RANBP2: variants seen among roughly 807,000 people sequenced by gnomAD.
The protein encoded by RANBP2 is E3 SUMO-protein ligase RanBP2.
RANBP2 carries 57 observed loss-of-function variants against 303.6 expected under a neutral mutation model. The ratio of observed to expected loss-of-function variants is 0.19; its 90% CI spans 0.15 to 0.23. The LOEUF (loss-of-function observed/expected upper bound fraction) is 0.23, where lower values mean the gene tolerates loss of function less well. RANBP2 is among the 10% of genes least tolerant of loss of function. The pLI is 1.00. For missense variants in RANBP2, 3,138 were observed against 3,780.8 expected (o/e 0.83, Z 4.46); for synonymous variants, 1,167 against 1,301.5 (o/e 0.90, Z 2.23).
At chr2:109,049,943 T>C in the RANBP2 span, among the ~76,000 whole-genome samples, 4 of 152,208 alleles carry the variant, frequency 2.6e-5, no homozygotes, top group Non-Finnish European at 5.9e-5. Flanking sequence ...TCCTCTGGGT[T>C]CTGTCAGCTG....
At chr2:109,629,905 A>G in the RANBP2 span, among the ~76,000 whole-genome samples, 1 of 152,170 alleles carries the variant, frequency 6.6e-6, no homozygotes. Context: ...GCAATTCTAG[A>G]GCTCATACTG....
At chr2:109,567,917 C>T in the RANBP2 span, 42 of 1,613,990 alleles carry the variant, frequency 2.6e-5, 2 homozygotes, top group African/African-American at 2.9e-4. Flanking sequence ...TGATCTTAAA[C>T]TTCTGTAATT....
At chr2:109,238,748 A>C in the RANBP2 span, among the ~76,000 whole-genome samples, 3 of 152,142 alleles carry the variant, frequency 2.0e-5, no homozygotes, top group African/African-American at 7.2e-5. Flanking sequence ...GGCAGCTGCT[A>C]CATGCTTGCA....
the RANBP2 span, among the ~76,000 whole-genome samples, chr2:109,046,800 T>G: frequency 6.6e-6 from 1 of 152,034 alleles, no homozygotes; most frequent in African/African-American, 2.4e-5. Context: ...TCCTGTGGTG[T>G]TATGTCTGGA....
chr2:109,724,777 C>A, the RANBP2 span, among the ~76,000 whole-genome samples: 2 of 152,166 alleles, frequency 1.3e-5, no homozygotes, highest in African/African-American at 4.8e-5. Flanking sequence ...GAAGTCAGGA[C>A]TTTGTGGCAG....
the RANBP2 span, among the ~76,000 whole-genome samples, chr2:109,068,886 T>G: frequency 1.3e-5 from 2 of 152,204 alleles, no homozygotes; most frequent in Non-Finnish European, 2.9e-5. Flanking sequence ...CATTATGTGG[T>G]CCCTCCTGCA....
chr2:108,891,884 T>A, the RANBP2 span, among the ~76,000 whole-genome samples: 2 of 152,246 alleles, frequency 1.3e-5, no homozygotes, highest in South Asian at 4.2e-4. Flanking sequence ...TGATGGTGGC[T>A]GGGAGTTTAG....
the RANBP2 span, among the ~76,000 whole-genome samples, chr2:109,106,772 G>C: frequency 6.6e-6 from 1 of 152,026 alleles, no homozygotes; most frequent in Non-Finnish European, 1.5e-5. Context: ...GGGAGGCAGA[G>C]CTTGCAGTGA....
the RANBP2 span, among the ~76,000 whole-genome samples, chr2:108,841,791 G>T: frequency 6.6e-6 from 1 of 151,696 alleles, no homozygotes; most frequent in Non-Finnish European, 1.5e-5. Flanking sequence ...CTACTGGGTG[G>T]TTCTTTTTGT....
chr2:108,854,072 TATA>T, the RANBP2 span, among the ~76,000 whole-genome samples: 8 of 125,424 alleles, frequency 6.4e-5, no homozygotes, highest in East Asian at 6.6e-4. Context: ...ATATTTTATA[TATA>T]ATATAATAAA....
the RANBP2 span, chr2:109,737,241 A>C: frequency 1.2e-6 from 1 of 807,064 alleles, no homozygotes; most frequent in Non-Finnish European, 2.1e-6. Flanking sequence ...CACGAAGATT[A>C]TTCTTCTTCA....
At chr2:109,493,809 C>T in the RANBP2 span, among the ~76,000 whole-genome samples, 1 of 152,122 alleles carries the variant, frequency 6.6e-6, no homozygotes, top group African/African-American at 2.4e-5. Flanking sequence ...CACACAGATA[C>T]ACACACTATA....
intron 17 of RANBP2, among the ~76,000 whole-genome samples, chr2:108,756,030 C>T (rs1036937450): frequency 3.3e-5 from 5 of 152,070 alleles, no homozygotes; most frequent in African/African-American, 7.2e-5. Flanking sequence ...AGCCCTTTAC[C>T]GTATTTTTGA....
At chr2:109,669,055 A>G in the RANBP2 span, among the ~76,000 whole-genome samples, 2 of 152,230 alleles carry the variant, frequency 1.3e-5, no homozygotes, top group African/African-American at 2.4e-5. Flanking sequence ...CCAGATATAC[A>G]TGCACAGATT....
At chr2:109,174,139 G>A in the RANBP2 span, among the ~76,000 whole-genome samples, 9 of 152,264 alleles carry the variant, frequency 5.9e-5, no homozygotes, top group Non-Finnish European at 2.9e-5. Flanking sequence ...ATAGGGCAGA[G>A]CCTCCCAACC....
chr2:108,902,152 C>T, the RANBP2 span, among the ~76,000 whole-genome samples: 5 of 150,904 alleles, frequency 3.3e-5, no homozygotes, highest in African/African-American at 1.2e-4. Flanking sequence ...AAAGGAGAAT[C>T]GCTTAAACCT....
the RANBP2 span, chr2:108,883,806 A>C: frequency 6.6e-6 from 1 of 151,868 alleles, no homozygotes; most frequent in Admixed American, 6.6e-5. Flanking sequence ...CCTAAACCTC[A>C]CTCCTCTCTT....
chr2:108,766,127 A>C lies in RANBP2; in HGVS notation c.5588A>C (p.His1863Pro), dbSNP rs369788509. The C allele has an allele frequency of 1.9e-6, 3 of 1,613,828 alleles. No individual in the cohort carries two copies. Among genetic ancestry groups the C allele is most frequent in the Non-Finnish European group, 1.7e-6 (2 of 1,179,994 alleles). The change falls in exon 20 of 29, where the codon CAT becomes CCT. Residue 1863 changes from histidine (H) to proline (P), a missense_variant. His to Pro is a moderately conservative substitution (Grantham distance 77, BLOSUM62 -2). This residue lies in a region of RANBP2 where 348 missense variants were observed against 360.4 expected (regional missense o/e 0.97). Transcript: ENST00000283195. Reference protein sequence around the residue: ...GNTEQGFKFGHVDQENSPSFM... With the variant: ...GNTEQGFKFGPVDQENSPSFM... The stretch of plus-strand genomic sequence containing the variant: ...ACAGAGCAAGGATTCAAATTTGGGC[A>C]TGTGGATCAAGAAAATTCACCTTCA...
At chr2:108,932,616 C>T in the RANBP2 span, among the ~76,000 whole-genome samples, 2 of 150,134 alleles carry the variant, frequency 1.3e-5, no homozygotes, top group Admixed American at 6.6e-5. Context: ...AGCCAGGGAA[C>T]GGTGGAGAAG....
Sources: gnomAD v4.1 joint callset for allele counts (sites outside exome capture counted in the v4.1 genomes callset) on GRCh38, gnomAD v4.1.1 for gene constraint, gnomAD v4.1.1 regional missense constraint, MANE v1.5 for transcripts, NCBI Gene and HGNC (gene_info 2026-07-23, HGNC 2026-07-21) for gene names.